Variants in LSAMP observed in about 807,000 individuals in gnomAD.
LSAMP encodes the protein limbic system-associated membrane protein.
A neutral mutation model predicts 38.6 loss-of-function variants in LSAMP; 7 were observed. The observed-to-expected ratio is 0.18, with a 90% confidence interval of 0.10 to 0.34. LSAMP has a LOEUF of 0.34. Ranked by LOEUF, LSAMP falls within the 10% of genes least tolerant of loss-of-function variation. The probability of loss-of-function intolerance (pLI) is 1.00; values close to 1 mark genes in which losing one functional copy is unlikely to be tolerated. For synonymous variants in LSAMP, 154 were observed against 166.8 expected (o/e 0.92, Z 0.59); for missense variants, 313 against 420.0 (o/e 0.75, Z 2.23).
intron 3 of LSAMP, among the ~76,000 whole-genome samples, chr3:115,953,591 GA>G (rs1234608073): frequency 2.0e-5 from 3 of 152,136 alleles, no homozygotes; most frequent in African/African-American, 7.2e-5. Flanking sequence ...AAATGCTGGT[GA>G]CCAGGAGAGT....
intron 1 of LSAMP, among the ~76,000 whole-genome samples, chr3:116,212,184 A>G (rs1447615685): frequency 6.6e-6 from 1 of 152,242 alleles, no homozygotes; most frequent in Non-Finnish European, 1.5e-5. Context: ...GTGATATCAA[A>G]TAAATGGAGT....
intron 3 of LSAMP, among the ~76,000 whole-genome samples, chr3:116,013,947 G>A (rs939352371): frequency 9.2e-5 from 14 of 152,060 alleles, no homozygotes; most frequent in Non-Finnish European, 1.6e-4. Flanking sequence ...AGGTTTCAGC[G>A]TAATACTTCT....
intron 1 of LSAMP, among the ~76,000 whole-genome samples, chr3:116,237,649 A>G (rs2046482631): frequency 7.6e-6 from 1 of 132,176 alleles, no homozygotes; most frequent in African/African-American, 2.7e-5. Context: ...AGTCCTCGCC[A>G]TAAACCTTAG....
intron 1 of LSAMP, among the ~76,000 whole-genome samples, chr3:116,347,819 A>C (rs987008146): frequency 9.9e-5 from 15 of 152,136 alleles, no homozygotes; most frequent in African/African-American, 3.4e-4. Flanking sequence ...ATATTTTAAA[A>C]TGAAAGAATA....
intron 1 of LSAMP, among the ~76,000 whole-genome samples, chr3:116,385,445 T>G (rs1301236733): frequency 6.6e-6 from 1 of 152,140 alleles, no homozygotes. Flanking sequence ...TTGAGAGCAC[T>G]CTTAAAGATG....
rs1424119878 is a variant in LSAMP, at chr3:116,224,552, T to G, written c.156-137996A>C. Among the ~76,000 whole-genome samples, 3 of 152,222 alleles carry G rather than the reference T, an allele frequency of 2.0e-5. No individual in the cohort carries two copies. In the East Asian group the frequency reaches 5.8e-4, roughly 29 times the overall value. Reference sequence around the variant, plus strand: ...ATATTTTTCTGGGTCTAAAAATGTTTCCTTTTTTTCTGCATATCTTCACAA... The same window carrying G: ...ATATTTTTCTGGGTCTAAAAATGTTGCCTTTTTTTCTGCATATCTTCACAA... On this transcript the variant is annotated intron_variant, in intron 1 of 6. Coordinates refer to ENST00000490035, the MANE Select transcript of LSAMP (RefSeq NM_002338.5).
At chr3:116,288,039 A>T (rs2047215831) in intron 1 of LSAMP, among the ~76,000 whole-genome samples, 1 of 152,240 alleles carries the variant, frequency 6.6e-6, no homozygotes, top group Non-Finnish European at 1.5e-5. Context: ...AAAAAAAGTA[A>T]GATACTATGA....
intron 1 of LSAMP, among the ~76,000 whole-genome samples, chr3:116,301,998 C>G (rs2047416021): frequency 6.6e-6 from 1 of 152,170 alleles, no homozygotes; most frequent in South Asian, 2.1e-4. Context: ...CACTCTAGCT[C>G]AGGTCCTTTT....
At chr3:116,346,544 G>T (rs2048067062) in intron 1 of LSAMP, among the ~76,000 whole-genome samples, 1 of 152,038 alleles carries the variant, frequency 6.6e-6, no homozygotes, top group Non-Finnish European at 1.5e-5. Context: ...GTCCAGGCTG[G>T]TCTCAAACTC....
chr3:115,877,682 T>C (rs1936218142), intron 3 of LSAMP, among the ~76,000 whole-genome samples: 1 of 152,140 alleles, frequency 6.6e-6, no homozygotes. Context: ...CTCAAATATT[T>C]TGAAGCTTTG....
chr3:115,861,444 C>T (rs896130014), intron 3 of LSAMP, among the ~76,000 whole-genome samples: 1 of 151,952 alleles, frequency 6.6e-6, no homozygotes, highest in Non-Finnish European at 1.5e-5. Context: ...CTGACGGTGG[C>T]TGCCTGGGGA....
intron 3 of LSAMP, among the ~76,000 whole-genome samples, chr3:116,013,462 C>T (rs1940388715): frequency 6.6e-6 from 1 of 152,044 alleles, no homozygotes; most frequent in African/African-American, 2.4e-5. Context: ...TGTTTCAAAT[C>T]TAAATTTAAG....
In LSAMP at chr3:116,004,063, G is replaced by C. The variant is rs575725169; in HGVS notation, c.514+15452C>G. ...CTGTGTGATTAATGACTGCAACTAT[G>C]TCTCAGGGATACATTTTTGTAGTTT... On this transcript the variant is annotated intron_variant, in intron 3 of 6. Transcript: ENST00000490035. 7.9e-5 allele frequency among the ~76,000 whole-genome samples: 12 copies of C among 152,314 alleles called. 1 individual carries two copies. In the South Asian group the frequency reaches 2.5e-3, roughly 32 times the overall value.
chr3:116,094,364 G>A (rs1708181615), intron 1 of LSAMP, among the ~76,000 whole-genome samples: 2 of 152,132 alleles, frequency 1.3e-5, no homozygotes, highest in Non-Finnish European at 2.9e-5. Context: ...CTGCTATCTT[G>A]GTGTCATTCT....
chr3:116,069,027 G>A (rs1707531656), intron 2 of LSAMP, among the ~76,000 whole-genome samples: 1 of 152,192 alleles, frequency 6.6e-6, no homozygotes, highest in South Asian at 2.1e-4. Flanking sequence ...TATGCTTGGT[G>A]ATATGTTTAA....
chr3:115,829,883 A>G (rs1451441431), intron 6 of LSAMP, among the ~76,000 whole-genome samples: 1 of 152,224 alleles, frequency 6.6e-6, no homozygotes, highest in Non-Finnish European at 1.5e-5. Context: ...TATCTAGCTG[A>G]TGTCCATGCA....
intron 3 of LSAMP, among the ~76,000 whole-genome samples, chr3:116,014,118 T>A (rs960267042): frequency 6.6e-6 from 1 of 152,176 alleles, no homozygotes; most frequent in Non-Finnish European, 1.5e-5. Context: ...TTTTTGACTT[T>A]ATGATGGTGT....
chr3:115,841,731 T>A (rs1326305371), intron 6 of LSAMP, 114 bp downstream of exon 6: 1 of 1,284,924 alleles, frequency 7.8e-7, no homozygotes. Context: ...TCAGTGCATA[T>A]ATCCTTATTT....
chr3:116,337,923 T>C (rs1367286972), intron 1 of LSAMP, among the ~76,000 whole-genome samples: 1 of 152,024 alleles, frequency 6.6e-6, no homozygotes, highest in East Asian at 1.9e-4. Flanking sequence ...GATTATGATA[T>C]AGGTTGTCTA....
Sources: gnomAD v4.1 joint callset for allele counts (sites outside exome capture counted in the v4.1 genomes callset) on GRCh38, gnomAD v4.1.1 for gene constraint, MANE v1.5 for transcripts, NCBI Gene and HGNC (gene_info 2026-07-23, HGNC 2026-07-21) for gene names.